BRINP1: variants seen among roughly 807,000 people sequenced by gnomAD.
BRINP1 encodes the protein BMP/retinoic acid-inducible neural-specific protein 1.
A neutral mutation model predicts 72.9 loss-of-function variants in BRINP1; 17 were observed. The observed-to-expected ratio is 0.23, with a 90% CI of 0.16 to 0.35. The LOEUF is 0.35. Ranked by LOEUF, BRINP1 falls within the 10% of genes least tolerant of loss-of-function variation. BRINP1 has a pLI of 1.00. For synonymous variants in BRINP1, 418 were observed against 378.5 expected, an observed-to-expected ratio of 1.10 and a Z score of -1.21; for missense variants, 850 against 1,001.6, an observed-to-expected ratio of 0.85 and a Z score of 2.04.
intron 7 of BRINP1, among the ~76,000 whole-genome samples, chr9:119,192,252 C>A (rs1362741360): frequency 6.6e-6 from 1 of 151,714 alleles, no homozygotes; most frequent in Non-Finnish European, 1.5e-5. Flanking sequence ...TATAAATGAG[C>A]CTATAGTAAA....
chr9:119,228,076 G>A (rs140368392), intron 5 of BRINP1, among the ~76,000 whole-genome samples: 141 of 151,966 alleles, frequency 9.3e-4, no homozygotes, highest in Middle Eastern at 3.4e-3. Context: ...TGGGATTACC[G>A]ACACTACTCT....
Position 119,249,118 on chromosome 9 carries a change from G to T in BRINP1, c.251C>A (p.Ala84Asp), listed in dbSNP as rs779721769. ...GCGGACCAGATCTCTCCTCTCGATG[G>T]CTGTGTTCCTCACCTTCCAACGGGC... is the stretch of plus-strand genomic sequence containing the variant. ...EFARWKVRNTAIERRDLVRHP... is the reference protein window; with the variant it reads ...EFARWKVRNTDIERRDLVRHP... The change falls in exon 3 of 8, where the codon GCC (alanine) becomes GAC (aspartate). Residue 84 changes from alanine (A) to aspartate (D), a missense_variant. Coordinates refer to ENST00000265922, the MANE Select transcript of BRINP1 (RefSeq NM_014618.3). The T allele has an allele frequency of 6.2e-7, 1 of 1,613,930 alleles. No individual in the cohort carries two copies. The highest frequency in any genetic ancestry group is 8.5e-7 in the Non-Finnish European group (1 of 1,179,990).
intron 5 of BRINP1, among the ~76,000 whole-genome samples, chr9:119,226,100 CAG>C (rs1830089600): frequency 6.6e-6 from 1 of 150,792 alleles, no homozygotes; most frequent in African/African-American, 2.5e-5. Flanking sequence ...TAAGACAAGA[CAG>C]AATGTATCTG....
intron 2 of BRINP1, among the ~76,000 whole-genome samples, chr9:119,258,639 A>T (rs1830468602): frequency 6.6e-6 from 1 of 152,182 alleles, no homozygotes. Context: ...GGGACTTGCT[A>T]AGGCCACAGC....
At chr9:119,249,805 T>TGGAAGGAAGGAAGGAAGGAAGGAA (rs1348208106) in intron 2 of BRINP1, among the ~76,000 whole-genome samples, 25 of 31,568 alleles carry the variant, frequency 7.9e-4, no homozygotes, top group African/African-American at 3.4e-3. Flanking sequence ...AATAAACAAA[T>TGGAAGGAAGGAAGGAAGGAAGGAA]GGAAGGAAGG....
At chr9:119,341,884 C>G (rs1021774901) in intron 1 of BRINP1, among the ~76,000 whole-genome samples, 2 of 152,060 alleles carry the variant, frequency 1.3e-5, no homozygotes, top group Non-Finnish European at 2.9e-5. Flanking sequence ...CTGACTCAGC[C>G]TCCCAAGTAG....
chr9:119,346,148 T>C (rs1192398897), intron 1 of BRINP1, among the ~76,000 whole-genome samples: 2 of 152,186 alleles, frequency 1.3e-5, no homozygotes, highest in Non-Finnish European at 2.9e-5. Context: ...AAAGGTACTC[T>C]ATGTTTTTGA....
chr9:119,260,087 T>C (rs1213676817), intron 2 of BRINP1, among the ~76,000 whole-genome samples: 1 of 152,198 alleles, frequency 6.6e-6, no homozygotes, highest in Non-Finnish European at 1.5e-5. Context: ...AATATCCTTC[T>C]CTTCTGCTAA....
intron 5 of BRINP1, among the ~76,000 whole-genome samples, chr9:119,234,522 TAA>T (rs1398246003): frequency 2.0e-5 from 3 of 152,228 alleles, no homozygotes; most frequent in African/African-American, 7.2e-5. Flanking sequence ...CTGTATTCTA[TAA>T]GTGTTCTTTG....
chr9:119,242,369 A>G (rs1431581342), intron 3 of BRINP1, among the ~76,000 whole-genome samples, 153 bp from the exon 4 acceptor site: 2 of 152,158 alleles, frequency 1.3e-5, no homozygotes, highest in African/African-American at 4.8e-5. Context: ...CAATGAAAAT[A>G]AACTGTCTAG....
chr9:119,207,320 T>C (rs1564217095), intron 7 of BRINP1, among the ~76,000 whole-genome samples: 2 of 152,256 alleles, frequency 1.3e-5, no homozygotes, highest in Non-Finnish European at 2.9e-5. Context: ...GTTAGGAAGA[T>C]AAGATTTTGA....
intron 1 of BRINP1, among the ~76,000 whole-genome samples, chr9:119,324,779 A>G (rs773519170): frequency 1.3e-5 from 2 of 152,140 alleles, no homozygotes; most frequent in Admixed American, 6.6e-5. Flanking sequence ...TGATTGCTAC[A>G]TGTGTATCTT....
intron 2 of BRINP1, among the ~76,000 whole-genome samples, chr9:119,310,402 A>AACAACAT (rs1831049051): frequency 6.6e-6 from 1 of 152,236 alleles, no homozygotes; most frequent in Admixed American, 6.5e-5. Context: ...TGGCTTGTAA[A>AACAACAT]GCAACATGAG....
chr9:119,223,415 C>T (rs1830060486), intron 5 of BRINP1, among the ~76,000 whole-genome samples: 1 of 151,996 alleles, frequency 6.6e-6, no homozygotes, highest in Non-Finnish European at 1.5e-5. Flanking sequence ...TGACCTTGCC[C>T]TGTTTTCTAT....
At chr9:119,301,038 A>G (rs1830933451) in intron 2 of BRINP1, among the ~76,000 whole-genome samples, 1 of 152,216 alleles carries the variant, frequency 6.6e-6, no homozygotes, top group African/African-American at 2.4e-5. Context: ...ATAACTCCAA[A>G]TACTGTAACT....
At chr9:119,247,103 A>C (rs1374375263) in intron 3 of BRINP1, among the ~76,000 whole-genome samples, 2 of 152,204 alleles carry the variant, frequency 1.3e-5, no homozygotes, top group African/African-American at 4.8e-5. Context: ...GGAAGAATTG[A>C]ATTGGTCTCA....
rs138808774 is a variant in BRINP1 at position 119,167,511 on chromosome 9, C to G, written c.1859G>C (p.Arg620Pro). The part of the protein sequence containing the change: ...TFFETVHIYL[R>P]SRTRLPTLLR... ...TAGGGTAGGTAGCCGAGTCCGACTA[C>G]GTAGGTAGATGTGGACCGTCTCGAA... Residue 620 changes from arginine to proline, a missense_variant, in exon 8 of 8, where the codon CGT becomes CCT. By Grantham distance (103) the Arg-to-Pro change is moderately radical (BLOSUM62 -2). Coordinates refer to ENST00000265922, the MANE Select transcript of BRINP1 (RefSeq NM_014618.3). The surrounding 1 kb of genome is among the most constrained non-coding windows in gnomAD (Gnocchi z 4.3). 8.7e-6 allele frequency: 14 copies of G among 1,614,028 alleles called. No homozygotes were observed. The highest frequency in any genetic ancestry group is 1.1e-5 in the Non-Finnish European group (13 of 1,180,022).
At chr9:119,189,694 GAATA>G (rs1438013727) in intron 7 of BRINP1, among the ~76,000 whole-genome samples, 1 of 151,914 alleles carries the variant, frequency 6.6e-6, no homozygotes, top group African/African-American at 2.4e-5. Flanking sequence ...GAACCTGAAG[GAATA>G]AATAAATATC....
At chr9:119,221,673 G>A (rs1830042910) in intron 5 of BRINP1, among the ~76,000 whole-genome samples, 1 of 152,102 alleles carries the variant, frequency 6.6e-6, no homozygotes, top group South Asian at 2.1e-4. Flanking sequence ...GTCCCCTCCT[G>A]GTTAGAGTAA....
Sources: gnomAD v4.1 joint callset for allele counts (sites outside exome capture counted in the v4.1 genomes callset) on GRCh38, gnomAD v4.1.1 for gene constraint, Gnocchi (gnomAD v3.1) non-coding constraint, MANE v1.5 for transcripts, NCBI Gene and HGNC (gene_info 2026-07-23, HGNC 2026-07-21) for gene names.